QTGAL: variants seen among roughly 807,000 people sequenced by gnomAD.
QTGAL encodes the protein queuosine-tRNA galactosyltransferase, also known as BGnT-like protein 1.
At chr17:83,013,430 CT>C in the QTGAL span, among the ~76,000 whole-genome samples, 1 of 126,356 alleles carries the variant, frequency 7.9e-6, no homozygotes, top group African/African-American at 3.0e-5. Flanking sequence ...CCCCCACACC[CT>C]TTCCCCCCTC....
At chr17:82,952,917 A>G in the QTGAL span, among the ~76,000 whole-genome samples, 3 of 152,364 alleles carry the variant, frequency 2.0e-5, no homozygotes, top group East Asian at 3.9e-4. Context: ...CTACATGGAA[A>G]CTGAACAACC....
the QTGAL span, among the ~76,000 whole-genome samples, chr17:83,007,702 ACT>A: frequency 3.3e-5 from 5 of 151,598 alleles, no homozygotes; most frequent in Non-Finnish European, 7.4e-5. Flanking sequence ...CCTCCCCATG[ACT>A]CCCCCAGCTT....
the QTGAL span, among the ~76,000 whole-genome samples, chr17:83,039,290 C>T: frequency 2.8e-5 from 3 of 108,654 alleles, no homozygotes; most frequent in South Asian, 3.4e-4. Context: ...GCTGGGCGCC[C>T]GCCGCCCGCC....
chr17:82,968,404 C>A, the QTGAL span, among the ~76,000 whole-genome samples: 29 of 62,362 alleles, frequency 4.7e-4, no homozygotes, highest in African/African-American at 1.9e-3. Flanking sequence ...GGGAGGCAGT[C>A]ACCAGTGTGC....
chr17:83,007,578 C>A, the QTGAL span, among the ~76,000 whole-genome samples: 2 of 151,978 alleles, frequency 1.3e-5, no homozygotes, highest in South Asian at 2.1e-4. Flanking sequence ...CAGCTGTGGG[C>A]GACAGGTGAG....
the QTGAL span, among the ~76,000 whole-genome samples, chr17:83,046,893 A>AG: frequency 6.6e-6 from 1 of 152,356 alleles, no homozygotes; most frequent in Non-Finnish European, 1.5e-5. Context: ...CCTCCCAGAA[A>AG]AAGGAACGGA....
At chr17:82,969,444 G>C in the QTGAL span, among the ~76,000 whole-genome samples, 62,574 of 151,816 alleles carry the variant, frequency 0.41, 14,346 homozygotes, top group South Asian at 0.54. Context: ...CCTGGCCTCA[G>C]GTGATCCACC....
At chr17:83,006,079 C>T in the QTGAL span, 9 of 999,194 alleles carry the variant, frequency 9.0e-6, no homozygotes, top group African/African-American at 3.5e-5. The surrounding 1 kb of genome is among the most constrained non-coding windows in gnomAD (Gnocchi z 5.8). Context: ...CAGAGCCTCC[C>T]GAGTAGACGT....
At chr17:82,968,655 A>G in the QTGAL span, among the ~76,000 whole-genome samples, 132,633 of 152,102 alleles carry the variant, frequency 0.87, 58,181 homozygotes, top group African/African-American at 0.96. Context: ...GCATCTGTGG[A>G]CGCCTAAGGC....
At chr17:82,998,849 T>C in the QTGAL span, among the ~76,000 whole-genome samples, 2 of 152,000 alleles carry the variant, frequency 1.3e-5, no homozygotes, top group East Asian at 1.9e-4. Context: ...CCAAAGAAGA[T>C]ACACGGATGG....
the QTGAL span, chr17:82,948,493 G>GC: frequency 1.0e-4 from 16 of 152,412 alleles, no homozygotes; most frequent in Non-Finnish European, 2.2e-4. Context: ...GGGTGGGGTG[G>GC]CGTTTGCACA....
chr17:83,006,024 G>A, the QTGAL span: 47 of 1,043,372 alleles, frequency 4.5e-5, no homozygotes, highest in African/African-American at 2.7e-4. The surrounding 1 kb of genome is among the most constrained non-coding windows in gnomAD (Gnocchi z 5.8). Context: ...ACCTGGGCGC[G>A]TCCGTAGGAA....
chr17:82,986,900 T>C, the QTGAL span, among the ~76,000 whole-genome samples: 208 of 152,046 alleles, frequency 1.4e-3, 1 homozygote, highest in Non-Finnish European at 1.8e-3. Flanking sequence ...GCAGAGCACC[T>C]TTCTCCTCTT....
At chr17:82,956,205 C>G in the QTGAL span, among the ~76,000 whole-genome samples, 2 of 152,026 alleles carry the variant, frequency 1.3e-5, no homozygotes, top group South Asian at 4.2e-4. The surrounding 1 kb of genome is among the most constrained non-coding windows in gnomAD (Gnocchi z 5.7). Flanking sequence ...CCGCAGCCAG[C>G]CTGGACTCCC....
At chr17:82,960,072 G>A in the QTGAL span, among the ~76,000 whole-genome samples, 708 of 152,326 alleles carry the variant, frequency 4.6e-3, 2 homozygotes, top group Non-Finnish European at 7.1e-3. Context: ...TCAGGGACAC[G>A]TCACCGCATG....
chr17:82,966,469 A>G, the QTGAL span, among the ~76,000 whole-genome samples: 8 of 152,206 alleles, frequency 5.3e-5, no homozygotes, highest in Non-Finnish European at 1.2e-4. Context: ...ATTTACTACA[A>G]AGCTATGGTG....
chr17:83,038,467 T>C, the QTGAL span, among the ~76,000 whole-genome samples: 1 of 152,198 alleles, frequency 6.6e-6, no homozygotes, highest in Non-Finnish European at 1.5e-5. Context: ...AGATGAATGT[T>C]TTTAGACAAG....
the QTGAL span, chr17:83,035,051 AG>A: frequency 1.2e-5 from 19 of 1,611,072 alleles, no homozygotes; most frequent in Admixed American, 3.3e-5. Flanking sequence ...CAAAAAGCAA[AG>A]GTAAGACCCT....
chr17:82,991,722 AC>A, the QTGAL span, among the ~76,000 whole-genome samples: 30 of 152,322 alleles, frequency 2.0e-4, no homozygotes, highest in African/African-American at 7.2e-4. Context: ...TAAATGAGGC[AC>A]CAGGGACCAA....
Sources: gnomAD v4.1 joint callset for allele counts (sites outside exome capture counted in the v4.1 genomes callset) on GRCh38, gnomAD v4.1.1 for gene constraint, Gnocchi (gnomAD v3.1) non-coding constraint, MANE v1.5 for transcripts, NCBI Gene and HGNC (gene_info 2026-07-23, HGNC 2026-07-21) for gene names.